Variants in RASSF3 observed in about 807,000 individuals in gnomAD.
RASSF3 encodes ras association domain-containing protein 3.
Under a neutral mutation model 19.9 loss-of-function variants are expected in RASSF3, and 19 were observed. The ratio of observed to expected loss-of-function variants is 0.96; its 90% CI spans 0.67 to 1.40. RASSF3 has a LOEUF of 1.40. Ranked by LOEUF, RASSF3 falls within the 40% of genes most tolerant of loss-of-function variation. RASSF3 has a pLI of 0.00. For missense variants in RASSF3, 306 were observed against 289.8 expected, an observed-to-expected ratio of 1.06 and a Z score of -0.41; for synonymous variants, 110 against 104.2, an observed-to-expected ratio of 1.06 and a Z score of -0.34.
At chr12:64,507,465 C>T (rs1036786638) in intron 1 of RASSF3, 5 of 395,806 alleles carry the variant, frequency 1.3e-5, no homozygotes, top group East Asian at 7.1e-5. Flanking sequence ...AAAGGTATTC[C>T]ACTTGGTCAT....
chr12:64,597,621 C>G (rs1870017742), intron 2 of RASSF3, among the ~76,000 whole-genome samples: 1 of 151,698 alleles, frequency 6.6e-6, no homozygotes, highest in Admixed American at 6.6e-5. Flanking sequence ...CCACGCCTGG[C>G]TAATTTTTGT....
At chr12:64,541,673 G>A in exon 2 of RASSF3, 1 of 398,602 alleles carries the variant, frequency 2.5e-6, no homozygotes, top group Non-Finnish European at 4.4e-6. Flanking sequence ...GCCGACTTCT[G>A]AAGTAAGATA....
At chr12:64,513,648 T>C (rs994471200) in intron 1 of RASSF3, among the ~76,000 whole-genome samples, 2 of 152,028 alleles carry the variant, frequency 1.3e-5, no homozygotes, top group African/African-American at 4.8e-5. Flanking sequence ...GTCTCAGATA[T>C]GCACATTATT....
chr12:64,541,365 A>G (rs1002717938), intron 1 of RASSF3, among the ~76,000 whole-genome samples: 2 of 152,210 alleles, frequency 1.3e-5, no homozygotes, highest in Non-Finnish European at 1.5e-5. Flanking sequence ...AAAGATATTC[A>G]GTGATAGTGT....
chr12:64,615,577 C>T (rs1870525720), intron 1 of RASSF3, among the ~76,000 whole-genome samples: 1 of 152,220 alleles, frequency 6.6e-6, no homozygotes, highest in Admixed American at 6.5e-5. Context: ...ATGAGCTGCA[C>T]TCTTTTATTA....
In RASSF3 at chr12:64,684,895, G is replaced by A. The variant is rs1873290216; in HGVS notation, c.219+1G>A. The A allele has an allele frequency of 6.3e-7, 1 of 1,574,964 alleles. No homozygotes were observed. The highest frequency in any genetic ancestry group is 2.2e-5 in the East Asian group (1 of 44,702). ...CACAGACAAGTTGAAGATGACCTTGGTAAGCACTCAAAATACTATTTAGGT... is the reference window on the plus strand; with the variant it reads ...CACAGACAAGTTGAAGATGACCTTGATAAGCACTCAAAATACTATTTAGGT... On this transcript the variant is annotated splice_donor_variant, in intron 2 of 4. Coordinates refer to ENST00000542104, the MANE Select transcript of RASSF3 (RefSeq NM_178169.4). LOFTEE classifies it high-confidence loss of function.
intron 2 of RASSF3, among the ~76,000 whole-genome samples, chr12:64,589,516 G>C (rs1869879020): frequency 6.6e-6 from 1 of 152,124 alleles, no homozygotes; most frequent in Non-Finnish European, 1.5e-5. Context: ...CACAATTAAA[G>C]ACTAAAGATA....
chr12:64,566,161 A>G (rs1204364379), intron 2 of RASSF3, among the ~76,000 whole-genome samples: 1 of 152,160 alleles, frequency 6.6e-6, no homozygotes, highest in African/African-American at 2.4e-5. Flanking sequence ...AGATTGTGCC[A>G]CTGCACTCCA....
intron 2 of RASSF3, among the ~76,000 whole-genome samples, chr12:64,588,477 C>A (rs1303484234): frequency 2.0e-5 from 3 of 151,712 alleles, no homozygotes; most frequent in African/African-American, 7.3e-5. Flanking sequence ...TTAAGCCAGA[C>A]CCACCTGGGG....
intron 1 of RASSF3, among the ~76,000 whole-genome samples, chr12:64,611,902 A>G (rs943248744): frequency 2.0e-5 from 3 of 152,172 alleles, no homozygotes; most frequent in Admixed American, 6.6e-5. Context: ...TTAAGTCCCA[A>G]ACCAGGAGGA....
At chr12:64,641,803 T>G (rs1592438892) in intron 1 of RASSF3, among the ~76,000 whole-genome samples, 1 of 151,734 alleles carries the variant, frequency 6.6e-6, no homozygotes, top group African/African-American at 2.4e-5. Context: ...AGTGCAGTAG[T>G]GTGATCTCGG....
intron 2 of RASSF3, among the ~76,000 whole-genome samples, chr12:64,551,194 G>T (rs1042402858): frequency 6.6e-6 from 1 of 152,158 alleles, no homozygotes; most frequent in African/African-American, 2.4e-5. Context: ...GAGCAAGGAC[G>T]GTCAAGGTAT....
chr12:64,547,137 T>A (rs1208895506), intron 2 of RASSF3, among the ~76,000 whole-genome samples: 1 of 151,902 alleles, frequency 6.6e-6, no homozygotes, highest in African/African-American at 2.4e-5. Context: ...CCAAGTGTGG[T>A]GGCACACACC....
intron 1 of RASSF3, among the ~76,000 whole-genome samples, chr12:64,623,471 A>T (rs1423777860): frequency 6.6e-6 from 1 of 152,198 alleles, no homozygotes; most frequent in African/African-American, 2.4e-5. Flanking sequence ...TGTAGTGAGT[A>T]ATTTCCCAGC....
intron 1 of RASSF3, among the ~76,000 whole-genome samples, chr12:64,677,326 A>G (rs572497242): frequency 1.6e-4 from 24 of 152,356 alleles, no homozygotes; most frequent in African/African-American, 4.3e-4. Context: ...ATGTATATCA[A>G]CAATGCTGAT....
intron 2 of RASSF3, among the ~76,000 whole-genome samples, chr12:64,603,165 T>A (rs1014659326): frequency 6.6e-6 from 1 of 150,488 alleles, no homozygotes; most frequent in African/African-American, 2.4e-5. Flanking sequence ...TTCTTTAACT[T>A]TTTTTTTTGT....
intron 1 of RASSF3, among the ~76,000 whole-genome samples, chr12:64,520,553 C>T (rs61933215): frequency 2.3e-4 from 7 of 30,466 alleles, no homozygotes; most frequent in African/African-American, 6.3e-4. Flanking sequence ...CACACATACA[C>T]ACATATATAT....
chr12:64,619,603 T>C (rs1200625484), intron 1 of RASSF3, among the ~76,000 whole-genome samples: 1 of 152,072 alleles, frequency 6.6e-6, no homozygotes, highest in Non-Finnish European at 1.5e-5. Flanking sequence ...AAGGGTGAGT[T>C]TGGGAATTGG....
chr12:64,588,604 A>G (rs529964180), intron 2 of RASSF3, among the ~76,000 whole-genome samples: 1 of 152,010 alleles, frequency 6.6e-6, no homozygotes, highest in Non-Finnish European at 1.5e-5. Context: ...AAATGTAGGA[A>G]AGCATTTTTT....
Sources: allele counts gnomAD v4.1 joint callset (sites outside exome capture counted in the v4.1 genomes callset), GRCh38; gene constraint gnomAD v4.1.1; transcripts MANE v1.5; gene names NCBI Gene and HGNC (gene_info 2026-07-23, HGNC 2026-07-21).